The following BCAR3 variants were observed in gnomAD, a reference collection of about 807,000 sequenced individuals.
BCAR3 encodes BCAR3 adaptor protein, NSP family member.
BCAR3 carries 37 observed loss-of-function variants against 80.1 expected under a neutral mutation model. The ratio of observed to expected loss-of-function variants is 0.46; its 90% CI spans 0.36 to 0.61. The LOEUF (loss-of-function observed/expected upper bound fraction) is 0.61, where lower values mean the gene tolerates loss of function less well. Ranked by LOEUF, BCAR3 falls within the 20% of genes least tolerant of loss-of-function variation. The pLI, the probability that BCAR3 is intolerant of heterozygous loss-of-function variation, is 0.00. For synonymous variants in BCAR3, 389 were observed against 418.9 expected (o/e 0.93, Z 0.87); for missense variants, 978 against 1,068.2 (o/e 0.92, Z 1.18).
chr1:93,630,461 T>TA (rs770124680), intron 3 of BCAR3, among the ~76,000 whole-genome samples: 1,905 of 137,670 alleles, frequency 0.014, 20 homozygotes, highest in South Asian at 0.026. Flanking sequence ...ACCAGGTCTC[T>TA]AAAAAAAAAA....
intron 2 of BCAR3, among the ~76,000 whole-genome samples, chr1:93,657,072 T>C (rs1647426431): frequency 6.6e-6 from 1 of 152,242 alleles, no homozygotes. Context: ...TAGTGGGCAC[T>C]GCCAACCCAG....
intron 3 of BCAR3, among the ~76,000 whole-genome samples, chr1:93,701,039 C>T (rs1158413942): frequency 1.3e-5 from 2 of 152,240 alleles, no homozygotes; most frequent in African/African-American, 4.8e-5. Flanking sequence ...AGTGGCTCTG[C>T]TGCTTGAAGC....
intron 2 of BCAR3, among the ~76,000 whole-genome samples, chr1:93,668,868 C>T (rs1433147394): frequency 7.2e-5 from 11 of 152,146 alleles, no homozygotes; most frequent in Admixed American, 4.6e-4. Context: ...TGTGCCACTA[C>T]GCCCAACTAA....
intron 7 of BCAR3, among the ~76,000 whole-genome samples, chr1:93,580,463 G>A (rs886927792): frequency 6.6e-6 from 1 of 150,922 alleles, no homozygotes; most frequent in Admixed American, 6.6e-5. Flanking sequence ...CTCCTTATCC[G>A]TGGCTTCTGC....
At chr1:93,735,218 T>C (rs532945429) in intron 2 of BCAR3, among the ~76,000 whole-genome samples, 16 of 152,244 alleles carry the variant, frequency 1.1e-4, no homozygotes, top group Non-Finnish European at 2.1e-4. Context: ...AGAATTGGCT[T>C]GGACCTCAGT....
chr1:93,809,990 CAGG>C (rs1453673151), intron 2 of BCAR3, among the ~76,000 whole-genome samples: 3 of 151,630 alleles, frequency 2.0e-5, no homozygotes, highest in African/African-American at 7.3e-5. Flanking sequence ...CACCTGAGGT[CAGG>C]AGTTCGAGAC....
At chr1:93,660,464 T>A (rs894169771) in intron 2 of BCAR3, among the ~76,000 whole-genome samples, 2 of 152,198 alleles carry the variant, frequency 1.3e-5, no homozygotes, top group African/African-American at 4.8e-5. Flanking sequence ...GAGTTTACCA[T>A]AGGGCCATTT....
intron 2 of BCAR3, among the ~76,000 whole-genome samples, chr1:93,642,959 G>A (rs1676030896): frequency 1.3e-5 from 2 of 152,218 alleles, no homozygotes; most frequent in African/African-American, 4.8e-5. Context: ...CAGGTGTGGT[G>A]GCTCATGCCT....
intron 2 of BCAR3, among the ~76,000 whole-genome samples, chr1:93,731,646 GT>G (rs1650792641): frequency 6.8e-6 from 1 of 147,250 alleles, no homozygotes; most frequent in African/African-American, 2.5e-5. Flanking sequence ...AGATGTTAAA[GT>G]AAAATAAAAT....
chr1:93,674,845 C>A lies in BCAR3; in HGVS notation c.86G>T (p.Ser29Ile). 6.2e-7 allele frequency: 1 copy of A among 1,603,266 alleles called. No individual in the cohort carries two copies. Reference sequence around the variant, plus strand: ...ATGCTCAGCGAGAGGGGACCTGCTGCTCAGAAGGTCCATGGATGAGGCCAG... The same window carrying A: ...ATGCTCAGCGAGAGGGGACCTGCTGATCAGAAGGTCCATGGATGAGGCCAG... ...FPLASSMDLL[S>I]SRSPLAEHRP... Residue 29 changes from serine (S) to isoleucine (I), a missense_variant, in exon 2 of 12, where the codon AGC (serine) becomes ATC (isoleucine). Ser to Ile is a moderately radical substitution (Grantham distance 142). Coordinates refer to ENST00000260502, the MANE Select transcript of BCAR3 (RefSeq NM_003567.4).
chr1:93,696,861 G>A (rs999612962), intron 3 of BCAR3, among the ~76,000 whole-genome samples: 2 of 152,246 alleles, frequency 1.3e-5, no homozygotes, highest in African/African-American at 4.8e-5. Context: ...TCTCAAGCGT[G>A]TTCCTGTGTT....
Position 93,592,357 on chromosome 1 carries a change from CG to C in BCAR3, c.393del (p.Glu132ArgfsTer3). On this transcript the variant is annotated frameshift_variant, in exon 4 of 12. Transcript: ENST00000260502. LOFTEE classifies it high-confidence loss of function. The surrounding 1 kb of genome is among the most constrained non-coding windows in gnomAD (Gnocchi z 4.8). ...SKERHIMDRT[P>X]EKLKKELEEE... ...TCCTCCAGCTCCTTCTTCAGTTTCT[CG>C]GGGGTCCTGTCCATGATGTGCCTCT... The C allele has an allele frequency of 6.2e-7, 1 of 1,606,368 alleles. No homozygotes were observed.
chr1:93,611,435 A>G (rs1048553701), intron 3 of BCAR3, among the ~76,000 whole-genome samples: 3 of 152,162 alleles, frequency 2.0e-5, no homozygotes, highest in African/African-American at 7.2e-5. Flanking sequence ...GTTTCTTTCC[A>G]CTGGGCTTAA....
intron 2 of BCAR3, among the ~76,000 whole-genome samples, chr1:93,722,749 A>G (rs563194140): frequency 6.6e-5 from 10 of 152,150 alleles, no homozygotes; most frequent in African/African-American, 1.9e-4. Context: ...ACCCGGAGGA[A>G]TATGTTTGTG....
At chr1:93,706,099 C>T (rs1473532740) in exon 3 of BCAR3, 1 of 152,556 alleles carries the variant, frequency 6.6e-6, no homozygotes, top group Non-Finnish European at 1.5e-5. Flanking sequence ...TACCTTGCCT[C>T]TTCCTCCTTT....
intron 2 of BCAR3, among the ~76,000 whole-genome samples, chr1:93,765,672 A>ATT (rs532790056): frequency 1.8e-4 from 25 of 140,806 alleles, no homozygotes; most frequent in African/African-American, 5.2e-4. Flanking sequence ...CTTCTTAGCA[A>ATT]TTTTTTTTTT....
chr1:93,764,943 C>T (rs1652092316), intron 2 of BCAR3, among the ~76,000 whole-genome samples: 1 of 152,170 alleles, frequency 6.6e-6, no homozygotes, highest in Admixed American at 6.5e-5. Flanking sequence ...CTGTAGCACA[C>T]ATGTTTGCAT....
rs1361981931 is a variant in BCAR3, at chr1:93,567,284, A to G, written c.2294T>C (p.Leu765Pro). Residue 765 changes from leucine (L) to proline (P), a missense_variant, in exon 11 of 12, where the codon CTG becomes CCG. Physicochemically the swap from Leu to Pro is moderately conservative, Grantham distance 98. Transcript: ENST00000260502. ...TTACAAAACCCATCTCTTACCTGCC[A>G]GGATCCTCTCAGCATTCATCCGGTA... Reference protein sequence around the residue: ...DSYRMNAERILAGFQPDEEMN... With the variant: ...DSYRMNAERIPAGFQPDEEMN... 5 of 1,613,852 alleles carry G rather than the reference A, an allele frequency of 3.1e-6. No homozygotes were observed. The highest frequency in any genetic ancestry group is 4.2e-6 in the Non-Finnish European group (5 of 1,180,034).
rs1676005730 is a variant in BCAR3, at chr1:93,642,292, C to T, written c.357+12G>A. The T allele has an allele frequency of 6.2e-7, 1 of 1,613,096 alleles. No individual in the cohort carries two copies. The highest frequency in any genetic ancestry group is 8.5e-7 in the Non-Finnish European group (1 of 1,179,036). ...CAGGGTCACGGCTACATGTTTAATT[C>T]TCATTTCCTACCTTCACATATTCCA... On this transcript the variant is annotated intron_variant, in intron 3 of 11. Transcript: ENST00000260502.
Sources: allele counts gnomAD v4.1 joint callset (sites outside exome capture counted in the v4.1 genomes callset), GRCh38; gene constraint gnomAD v4.1.1; non-coding constraint Gnocchi (gnomAD v3.1); transcripts MANE v1.5; gene names NCBI Gene and HGNC (gene_info 2026-07-23, HGNC 2026-07-21).